Variants in CNTNAP3B observed in about 807,000 individuals in gnomAD.
CNTNAP3B encodes contactin associated protein family member 3B, also known as contactin-associated protein-like 3B.
CNTNAP3B carries 25 observed loss-of-function variants against 108.9 expected under a neutral mutation model. That is an observed-to-expected ratio of 0.23 (90% confidence interval 0.17 to 0.32). CNTNAP3B has a LOEUF of 0.32. Among genes scored for constraint, CNTNAP3B ranks in the 10% least tolerant of loss-of-function variants. The pLI, the probability that CNTNAP3B is intolerant of heterozygous loss-of-function variation, is 1.00. For missense variants in CNTNAP3B, 252 were observed against 1,210.4 expected, an observed-to-expected ratio of 0.21 and a Z score of 11.75; for synonymous variants, 103 against 473.4, an observed-to-expected ratio of 0.22 and a Z score of 10.16.
At chr9:41,937,085 G>T (rs568509475) in intron 14 of CNTNAP3B, among the ~76,000 whole-genome samples, 2 of 132,312 alleles carry the variant, frequency 1.5e-5, no homozygotes, top group Non-Finnish European at 1.6e-5. Flanking sequence ...CTGACACCTG[G>T]AATGACCATT....
Position 42,125,873 on chromosome 9 carries a change from C to T in CNTNAP3B, c.85+3137G>A, listed in dbSNP as rs977965186. ...CCTCAAGTGATCCACCCGCCTCAGC[C>T]TCCCAAAGTGCTGAGATTACAGCTG... On this transcript the variant is annotated intron_variant, in intron 1 of 23. Transcript: ENST00000377561. Among the ~76,000 whole-genome samples, 6 of 127,580 alleles carry T rather than the reference C, an allele frequency of 4.7e-5. 1 individual carries two copies. The highest frequency in any genetic ancestry group is 1.6e-4 in the African/African-American group (5 of 31,430). The allele number at this position is 127,580 out of a possible 152,430, so 83.7% of individuals were successfully genotyped here. A position where few individuals can be genotyped will look rare whatever the true frequency, so the allele number is the denominator to read the frequency against.
At chr9:41,943,392 G>T (rs1325520071) in intron 13 of CNTNAP3B, among the ~76,000 whole-genome samples, 5 of 134,870 alleles carry the variant, frequency 3.7e-5, no homozygotes, top group African/African-American at 1.4e-4. Flanking sequence ...TCTCTCTGTC[G>T]CTCAGGCTGG....
rs1039874527 is a variant in CNTNAP3B at position 42,088,991 on chromosome 9, C to T, written c.197-11929G>A. ...CAGCACTTTGGAAGGCCAAGGTGGG[C>T]GAATCCCCTGAGGCCAGGAGTTGGA... On this transcript the variant is annotated intron_variant, in intron 2 of 23. Coordinates refer to ENST00000377561, the MANE Select transcript of CNTNAP3B (RefSeq NM_001201380.3). Among the ~76,000 whole-genome samples the T allele has an allele frequency of 2.6e-4, 33 of 127,090 alleles. 3 individuals carry two copies. The highest frequency in any genetic ancestry group is 6.2e-4 in the African/African-American group (19 of 30,882). 83.4% of individuals were successfully genotyped at this position (127,090 alleles called of 152,430 possible).
chr9:42,044,267 G>A (rs1826822196), intron 3 of CNTNAP3B, among the ~76,000 whole-genome samples: 1 of 151,218 alleles, frequency 6.6e-6, no homozygotes, highest in Admixed American at 6.6e-5. Flanking sequence ...CTTCATCACA[G>A]GTGTGTATGT....
At chr9:42,054,620 G>A (rs1827022326) in intron 3 of CNTNAP3B, among the ~76,000 whole-genome samples, 1 of 151,714 alleles carries the variant, frequency 6.6e-6, no homozygotes, top group African/African-American at 2.4e-5. Flanking sequence ...TGATGGTCAA[G>A]GACTGATGAC....
intron 14 of CNTNAP3B, among the ~76,000 whole-genome samples, chr9:41,934,042 AATGTT>A (rs1824062220): frequency 6.7e-6 from 1 of 149,324 alleles, no homozygotes; most frequent in Non-Finnish European, 1.5e-5. Flanking sequence ...CATTCCCAAA[AATGTT>A]ATGTTAATTA....
chr9:42,097,059 G>A (rs1464386434), intron 2 of CNTNAP3B, among the ~76,000 whole-genome samples: 2 of 139,452 alleles, frequency 1.4e-5, no homozygotes, highest in East Asian at 4.3e-4. Context: ...GTCCCGCACA[G>A]AAGTTTTTGA....
intron 9 of CNTNAP3B, among the ~76,000 whole-genome samples, chr9:41,977,488 A>G (rs1217856600): frequency 8.0e-4 from 113 of 140,956 alleles, no homozygotes; most frequent in Middle Eastern, 3.5e-3. Flanking sequence ...GAAAACAATC[A>G]GAAACTTTGC....
rs1200753259 is a variant in CNTNAP3B, at chr9:42,108,679, C to T, written c.86-3940G>A. On this transcript the variant is annotated intron_variant, in intron 1 of 23. Coordinates refer to ENST00000377561, the MANE Select transcript of CNTNAP3B (RefSeq NM_001201380.3). ...GCACGCTAGACCAGAGGGTTTTTGG[C>T]TTGCTGCACTTCCTTAGGCTTGTTG... Among the ~76,000 whole-genome samples, 4 of 127,858 alleles carry T rather than the reference C, an allele frequency of 3.1e-5. 1 individual carries two copies. Among genetic ancestry groups the T allele is most frequent in the African/African-American group, 9.6e-5 (3 of 31,396 alleles). 83.9% of individuals were successfully genotyped at this position (127,858 alleles called of 152,430 possible).
rs535765923 is a variant in CNTNAP3B, at chr9:41,991,145, C to G, written c.1333+465G>C. ...AGCCATCAACGAAAGAATAAGAACT[C>G]TTGGTATTTGCCGGGCATCTTTCCC... On this transcript the variant is annotated intron_variant, in intron 8 of 23. Transcript: ENST00000377561. Among the ~76,000 whole-genome samples, 15 of 121,244 alleles carry G rather than the reference C, an allele frequency of 1.2e-4. No homozygotes were observed. The East Asian group carries it at 4.4e-3, about 35-fold the overall frequency. 79.5% of individuals were successfully genotyped at this position (121,244 alleles called of 152,430 possible). A position where few individuals can be genotyped will look rare whatever the true frequency, so the allele number is the denominator to read the frequency against.
chr9:42,021,398 A>G (rs1826306604), intron 3 of CNTNAP3B, among the ~76,000 whole-genome samples: 1 of 107,258 alleles, frequency 9.3e-6, no homozygotes, highest in African/African-American at 4.2e-5. Flanking sequence ...AAAGCAAATA[A>G]AATTATTTCA....
chr9:42,113,540 TACA>T (rs1828240564), intron 1 of CNTNAP3B, among the ~76,000 whole-genome samples: 1 of 138,280 alleles, frequency 7.2e-6, no homozygotes, highest in South Asian at 2.3e-4. Flanking sequence ...CAGAAAAAAA[TACA>T]ACAACACAGG....
At chr9:41,959,893 G>C (rs1289505407) in intron 12 of CNTNAP3B, 2 of 152,280 alleles carry the variant, frequency 1.3e-5, no homozygotes, top group African/African-American at 4.8e-5. Flanking sequence ...TTTGCAGAGA[G>C]TTGGAAGAGC....
rs1799800958 is a variant in CNTNAP3B at position 42,112,525 on chromosome 9, A to G, written c.86-7786T>C. Among the ~76,000 whole-genome samples the G allele has an allele frequency of 1.4e-5, 2 of 138,722 alleles. 1 individual carries two copies. Among genetic ancestry groups the G allele is most frequent in the East Asian group, 4.4e-4 (2 of 4,570 alleles). 91.0% of individuals were successfully genotyped at this position (138,722 alleles called of 152,430 possible). A position where few individuals can be genotyped will look rare whatever the true frequency, so the allele number is the denominator to read the frequency against. On this transcript the variant is annotated intron_variant, in intron 1 of 23. Coordinates refer to ENST00000377561, the MANE Select transcript of CNTNAP3B (RefSeq NM_001201380.3). The stretch of plus-strand genomic sequence containing the variant: ...AGCTGATGAGTGTCTGGTTCCCGGG[A>G]CATGACAGACAATTCCTAGAGTCTA...
intron 14 of CNTNAP3B, among the ~76,000 whole-genome samples, chr9:41,935,863 T>G (rs1824141028): frequency 6.6e-6 from 1 of 152,294 alleles, no homozygotes; most frequent in South Asian, 2.1e-4. Flanking sequence ...ACCAGTGCAG[T>G]CCTTGACGGT....
chr9:41,951,003 C>G (rs1824661369), intron 13 of CNTNAP3B, among the ~76,000 whole-genome samples: 1 of 112,698 alleles, frequency 8.9e-6, no homozygotes, highest in Middle Eastern at 4.4e-3. Flanking sequence ...ATCCGCCCGC[C>G]TCGGCCTCCC....
chr9:42,105,737 C>T (rs1263365881), intron 1 of CNTNAP3B, among the ~76,000 whole-genome samples: 1 of 100,960 alleles, frequency 9.9e-6, no homozygotes, highest in Non-Finnish European at 2.1e-5. Context: ...AATCACTGTA[C>T]TTTCAGGCAT....
At chr9:42,060,134 A>T (rs1827149686) in intron 3 of CNTNAP3B, among the ~76,000 whole-genome samples, 1 of 141,030 alleles carries the variant, frequency 7.1e-6, no homozygotes, top group South Asian at 2.3e-4. Flanking sequence ...ACTTTTCACC[A>T]CTGAATAGGA....
At chr9:41,950,893 C>G (rs1361799300) in intron 13 of CNTNAP3B, among the ~76,000 whole-genome samples, 1 of 149,628 alleles carries the variant, frequency 6.7e-6, no homozygotes, top group Admixed American at 6.7e-5. Flanking sequence ...CCCAAGTAGA[C>G]TACAGGCACC....
Sources: gnomAD v4.1 joint callset for allele counts (sites outside exome capture counted in the v4.1 genomes callset) on GRCh38, gnomAD v4.1.1 for gene constraint, MANE v1.5 for transcripts, NCBI Gene and HGNC (gene_info 2026-07-23, HGNC 2026-07-21) for gene names.